FAM81A: variants seen among roughly 807,000 people sequenced by gnomAD.
FAM81A encodes protein FAM81A.
A neutral mutation model predicts 46.7 loss-of-function variants in FAM81A; 19 were observed. The observed-to-expected ratio is 0.41, with a 90% CI of 0.28 to 0.60. The LOEUF (loss-of-function observed/expected upper bound fraction) is 0.60, where lower values mean the gene tolerates loss of function less well. Among genes scored for constraint, FAM81A ranks in the 20% least tolerant of loss-of-function variants. The pLI is 0.34. For missense variants in FAM81A, 377 were observed against 453.5 expected, an observed-to-expected ratio of 0.83 and a Z score of 1.53; for synonymous variants, 183 against 152.9, an observed-to-expected ratio of 1.20 and a Z score of -1.45.
chr15:59,467,736 C>T (rs1422488629), intron 3 of FAM81A, among the ~76,000 whole-genome samples: 2 of 152,192 alleles, frequency 1.3e-5, no homozygotes, highest in Non-Finnish European at 1.5e-5. Context: ...CCAGAACTTC[C>T]AACACCATGT....
intron 1 of FAM81A, among the ~76,000 whole-genome samples, chr15:59,400,202 T>G (rs557422543): frequency 3.3e-5 from 5 of 152,256 alleles, no homozygotes; most frequent in South Asian, 2.1e-4. Context: ...TCCTCTTCAG[T>G]GTTCCTGTCT....
chr15:59,484,105 A>C (rs984529832), intron 3 of FAM81A, among the ~76,000 whole-genome samples: 2 of 152,352 alleles, frequency 1.3e-5, no homozygotes, highest in East Asian at 3.9e-4. Context: ...GAGCAAAGTC[A>C]CATAGCATCT....
chr15:59,478,457 G>A (rs1341594944), intron 3 of FAM81A, among the ~76,000 whole-genome samples: 1 of 152,196 alleles, frequency 6.6e-6, no homozygotes, highest in Non-Finnish European at 1.5e-5. Context: ...AGACAGTGAT[G>A]TTAACATGTA....
At chr15:59,402,747 T>A (rs1396239877) in intron 2 of FAM81A, among the ~76,000 whole-genome samples, 2 of 151,668 alleles carry the variant, frequency 1.3e-5, no homozygotes, top group African/African-American at 4.8e-5. Flanking sequence ...AGAGATGGGG[T>A]TTCACCATGT....
chr15:59,481,587 C>G (rs1378781964), intron 3 of FAM81A, among the ~76,000 whole-genome samples: 5 of 152,082 alleles, frequency 3.3e-5, no homozygotes, highest in Non-Finnish European at 7.4e-5. Flanking sequence ...AAGTTGTACA[C>G]ACTTTCCCTT....
chr15:59,507,122 A>G, intron 4 of FAM81A, 91 bp from the exon 5 acceptor site: 1 of 1,461,890 alleles, frequency 6.8e-7, no homozygotes, highest in Non-Finnish European at 9.2e-7. Flanking sequence ...ACTTTCTTTG[A>G]GTGGGTTTTG....
At chr15:59,452,351 A>C (rs2081429237) in intron 1 of FAM81A, among the ~76,000 whole-genome samples, 1 of 152,332 alleles carries the variant, frequency 6.6e-6, no homozygotes, top group Non-Finnish European at 1.5e-5. Context: ...ACAGGCATTA[A>C]AGATGGTGAT....
In FAM81A at chr15:59,507,309, C is replaced by T. The variant is rs747294453; in HGVS notation, c.510C>T (p.Ile170=). The part of the protein sequence containing the change: ...LNKEQQAAKL[I]LETKIKDAEG... ...AAGAACAGCAGGCTGCCAAACTTAT[C>T]TTGGAAACGAAAATCAAAGATGCAG... Residue 170 remains isoleucine, a synonymous_variant, in exon 5 of 9, where the codon ATC becomes ATT. Transcript: ENST00000288228. 3.1e-6 allele frequency: 5 copies of T among 1,612,534 alleles called. No homozygotes were observed. The South Asian group carries it at 5.5e-5, about 18-fold the overall frequency.
chr15:59,427,996 T>C (rs2081202529), intron 2 of FAM81A, among the ~76,000 whole-genome samples: 1 of 152,266 alleles, frequency 6.6e-6, no homozygotes, highest in African/African-American at 2.4e-5. Flanking sequence ...TTCTCCATAG[T>C]GGCTGTGCTA....
intron 2 of FAM81A, among the ~76,000 whole-genome samples, chr15:59,429,344 A>G (rs549091195): frequency 2.6e-5 from 4 of 152,260 alleles, no homozygotes; most frequent in African/African-American, 7.2e-5. Context: ...ATGTCCTTTC[A>G]TTATAAGAAA....
intron 8 of FAM81A, among the ~76,000 whole-genome samples, chr15:59,518,686 A>G (rs2082293164): frequency 6.6e-6 from 1 of 152,108 alleles, no homozygotes; most frequent in Non-Finnish European, 1.5e-5. Flanking sequence ...AAATAACTTT[A>G]ATACAATGTA....
intron 3 of FAM81A, among the ~76,000 whole-genome samples, chr15:59,476,449 A>T (rs1052404055): frequency 1.3e-5 from 2 of 152,168 alleles, no homozygotes; most frequent in African/African-American, 4.8e-5. Flanking sequence ...GAGTAAATTT[A>T]AAAAGTACTA....
At chr15:59,473,822 C>A (rs777802689) in intron 3 of FAM81A, among the ~76,000 whole-genome samples, 31 of 152,200 alleles carry the variant, frequency 2.0e-4, no homozygotes, top group Non-Finnish European at 3.4e-4. Flanking sequence ...ACGTACTACT[C>A]CAGTGGCCAG....
rs555071973 is a variant in FAM81A at position 59,460,742 on chromosome 15, T to C, written c.294+536T>C. ...CAATATTGTCTATTTTTAGAATTGG[T>C]AGATTTACTGCTATTTATTGAGCAA... On this transcript the variant is annotated intron_variant, in intron 3 of 8. Coordinates refer to ENST00000288228, the MANE Select transcript of FAM81A (RefSeq NM_152450.3). The surrounding 1 kb of genome is among the most constrained non-coding windows in gnomAD (Gnocchi z 4.4). 5.6e-5 allele frequency: 11 copies of C among 197,036 alleles called. No individual in the cohort carries two copies. The South Asian group carries it at 9.6e-4, about 17-fold the overall frequency. 12.2% of individuals were successfully genotyped at this position (197,036 alleles called of 1,614,324 possible).
intron 6 of FAM81A, among the ~76,000 whole-genome samples, chr15:59,513,230 T>G (rs1487792737): frequency 6.6e-6 from 1 of 152,172 alleles, no homozygotes; most frequent in African/African-American, 2.4e-5. Flanking sequence ...AATTTTTCTT[T>G]TGATTTACAT....
At chr15:59,501,477 A>G (rs578175613) in intron 4 of FAM81A, among the ~76,000 whole-genome samples, 2 of 152,180 alleles carry the variant, frequency 1.3e-5, no homozygotes, top group African/African-American at 4.8e-5. Context: ...ACATATATAT[A>G]TAATAATTAT....
intron 2 of FAM81A, among the ~76,000 whole-genome samples, chr15:59,415,933 G>A (rs2081144817): frequency 6.6e-6 from 1 of 152,188 alleles, no homozygotes; most frequent in Non-Finnish European, 1.5e-5. Flanking sequence ...CAGAATCTCT[G>A]GGAGGGTCAC....
At chr15:59,453,184 C>T (rs142480112) in intron 1 of FAM81A, among the ~76,000 whole-genome samples, 1 of 152,218 alleles carries the variant, frequency 6.6e-6, no homozygotes, top group African/African-American at 2.4e-5. Context: ...AGGCCAGACA[C>T]TGTTCTGGAT....
chr15:59,478,135 AC>A (rs1447405227), intron 3 of FAM81A, among the ~76,000 whole-genome samples: 1 of 151,362 alleles, frequency 6.6e-6, no homozygotes, highest in Admixed American at 6.6e-5. Flanking sequence ...AGTAGTTTGG[AC>A]CCCCATGTCT....
Sources: gnomAD v4.1 joint callset for allele counts (sites outside exome capture counted in the v4.1 genomes callset) on GRCh38, gnomAD v4.1.1 for gene constraint, Gnocchi (gnomAD v3.1) non-coding constraint, MANE v1.5 for transcripts, NCBI Gene and HGNC (gene_info 2026-07-23, HGNC 2026-07-21) for gene names.